Variants in UBXN7 observed in about 807,000 individuals in gnomAD.
UBXN7 encodes UBX domain-containing protein 7.
Under a neutral mutation model 58.0 loss-of-function variants are expected in UBXN7, and 9 were observed. The observed-to-expected ratio is 0.16, with a 90% confidence interval of 0.09 to 0.27. The LOEUF (loss-of-function observed/expected upper bound fraction) is 0.27, where lower values mean the gene tolerates loss of function less well. Ranked by LOEUF, UBXN7 falls within the 10% of genes least tolerant of loss-of-function variation. UBXN7 has a pLI of 1.00. For missense variants in UBXN7, 328 were observed against 599.6 expected (o/e 0.55, Z 4.73); for synonymous variants, 208 against 205.0 (o/e 1.01, Z -0.12).
At chr3:196,396,656 G>A (rs1337775125) in intron 3 of UBXN7, among the ~76,000 whole-genome samples, 4 of 151,944 alleles carry the variant, frequency 2.6e-5, no homozygotes, top group South Asian at 2.1e-4. Flanking sequence ...CCAGCTACTC[G>A]GGAGGCTGAG....
chr3:196,431,680 C>T lies in UBXN7; in HGVS notation c.73+647G>A. 2 of 289,848 alleles carry T rather than the reference C, an allele frequency of 6.9e-6. 1 individual carries two copies. The highest frequency in any genetic ancestry group is 5.4e-5 in the South Asian group (2 of 37,060). 18.0% of individuals were successfully genotyped at this position (289,848 alleles called of 1,614,324 possible). On this transcript the variant is annotated intron_variant, in intron 1 of 10. Transcript: ENST00000296328. ...CCTCCCCTATTCAGCTTGGGGGTTC[C>T]CCCTCATTCTTCCCTCAAAGCCTCA...
intron 1 of UBXN7, among the ~76,000 whole-genome samples, chr3:196,416,645 CAA>C (rs1320124282): frequency 6.6e-6 from 1 of 152,046 alleles, no homozygotes; most frequent in Non-Finnish European, 1.5e-5. Context: ...CTGCCTAGCC[CAA>C]GTCTTTTCCT....
At chr3:196,368,599 T>C (rs1409606051) in intron 7 of UBXN7, among the ~76,000 whole-genome samples, 1 of 152,166 alleles carries the variant, frequency 6.6e-6, no homozygotes, top group East Asian at 1.9e-4. Context: ...AACCTAGAAG[T>C]CACATCAATT....
chr3:196,426,519 T>C (rs897290518), intron 1 of UBXN7, among the ~76,000 whole-genome samples: 1 of 151,978 alleles, frequency 6.6e-6, no homozygotes, highest in Non-Finnish European at 1.5e-5. Context: ...CATAGTTTAA[T>C]ATTAACCCAA....
chr3:196,359,047 CA>C (rs914510578), intron 10 of UBXN7, among the ~76,000 whole-genome samples: 6 of 152,110 alleles, frequency 3.9e-5, no homozygotes, highest in Non-Finnish European at 7.3e-5. Context: ...AAAATGCTTC[CA>C]ACGCCCTGTT....
chr3:196,415,975 A>G (rs1193684748), intron 1 of UBXN7, among the ~76,000 whole-genome samples: 2 of 152,148 alleles, frequency 1.3e-5, no homozygotes, highest in Non-Finnish European at 2.9e-5. Flanking sequence ...CTTTTCAGAG[A>G]ATTAAGTGGC....
intron 1 of UBXN7, among the ~76,000 whole-genome samples, chr3:196,418,257 G>C (rs1408130269): frequency 6.8e-6 from 1 of 147,796 alleles, no homozygotes; most frequent in Non-Finnish European, 1.5e-5. Flanking sequence ...AAGAAAAGAA[G>C]GAAGGAGGGA....
chr3:196,410,847 C>T (rs1382932152), intron 1 of UBXN7, among the ~76,000 whole-genome samples: 2 of 152,138 alleles, frequency 1.3e-5, no homozygotes, highest in Admixed American at 6.6e-5. Context: ...CCCTTAATGG[C>T]TTTCTTCTGC....
At chr3:196,382,379 A>G (rs1422838172) in intron 5 of UBXN7, among the ~76,000 whole-genome samples, 1 of 152,226 alleles carries the variant, frequency 6.6e-6, no homozygotes, top group Non-Finnish European at 1.5e-5. Context: ...TTTCATATCC[A>G]GCCAAACTAA....
At chr3:196,380,045 C>G (rs924056480) in intron 5 of UBXN7, among the ~76,000 whole-genome samples, 3 of 152,044 alleles carry the variant, frequency 2.0e-5, no homozygotes, top group Non-Finnish European at 2.9e-5. Flanking sequence ...GTCAGGAGAT[C>G]GAGACCATCC....
rs1728321938 is a variant in UBXN7, at chr3:196,355,581, T to C, written c.*1104A>G. The C allele has an allele frequency of 6.6e-6, 1 of 152,206 alleles. No individual in the cohort carries two copies. Among genetic ancestry groups the C allele is most frequent in the Non-Finnish European group, 1.5e-5 (1 of 68,038 alleles). The allele number at this position is 152,206 out of a possible 1,614,324, so 9.4% of individuals were successfully genotyped here. ...TGAAAGAAAACAGCATGCGGACTCA[T>C]GTTCAATTCAGTCACCAGAGCCTTT... On this transcript the variant is annotated 3_prime_UTR_variant, in exon 11 of 11. Coordinates refer to ENST00000296328, the MANE Select transcript of UBXN7 (RefSeq NM_015562.2).
intron 6 of UBXN7, among the ~76,000 whole-genome samples, chr3:196,370,643 A>G (rs1728797922): frequency 6.6e-6 from 1 of 151,958 alleles, no homozygotes; most frequent in Non-Finnish European, 1.5e-5. Flanking sequence ...CAAATTAATA[A>G]CATTAATAGC....
intron 5 of UBXN7, among the ~76,000 whole-genome samples, chr3:196,388,469 G>GTT (rs1400936750): frequency 7.6e-6 from 1 of 132,212 alleles, no homozygotes; most frequent in Non-Finnish European, 1.7e-5. Flanking sequence ...ATAAGCTACT[G>GTT]TTTGTTTTTT....
intron 5 of UBXN7, among the ~76,000 whole-genome samples, chr3:196,377,345 T>C (rs1577444645): frequency 6.6e-6 from 1 of 152,202 alleles, no homozygotes; most frequent in Non-Finnish European, 1.5e-5. Context: ...ATGCTCACAC[T>C]GTATTTTCCC....
chr3:196,414,017 A>T (rs1438494087), intron 1 of UBXN7, among the ~76,000 whole-genome samples: 1 of 151,992 alleles, frequency 6.6e-6, no homozygotes, highest in Non-Finnish European at 1.5e-5. Context: ...TTTTCCCTGA[A>T]TATTTTGTTT....
intron 8 of UBXN7, among the ~76,000 whole-genome samples, chr3:196,365,884 T>C (rs946820514): frequency 6.6e-6 from 1 of 152,038 alleles, no homozygotes; most frequent in African/African-American, 2.4e-5. Context: ...CACTGGTAAA[T>C]GTCATCAAAC....
Position 196,394,841 on chromosome 3 carries a change from C to A in UBXN7, c.290-1222G>T, listed in dbSNP as rs147039840. ...ATAAAGACAAAAAACATCTTTAATTCTGGAAACTTTTTTCACAGTTACACA... is the reference window on the plus strand; with the variant it reads ...ATAAAGACAAAAAACATCTTTAATTATGGAAACTTTTTTCACAGTTACACA... On this transcript the variant is annotated intron_variant, in intron 3 of 10. Transcript: ENST00000296328. 5.9e-5 allele frequency among the ~76,000 whole-genome samples: 9 copies of A among 152,224 alleles called. No homozygotes were observed. In the East Asian group the frequency reaches 1.7e-3, roughly 29 times the overall value.
intron 8 of UBXN7, among the ~76,000 whole-genome samples, chr3:196,364,485 A>C (rs1296191972): frequency 6.6e-6 from 1 of 152,166 alleles, no homozygotes; most frequent in Non-Finnish European, 1.5e-5. Flanking sequence ...TACAGAGGAA[A>C]GAAGACTGGC....
intron 5 of UBXN7, among the ~76,000 whole-genome samples, chr3:196,382,919 T>A (rs1301815520): frequency 6.6e-6 from 1 of 151,828 alleles, no homozygotes; most frequent in Non-Finnish European, 1.5e-5. Context: ...ATCGAGACCA[T>A]CCTGGCTAAC....
Sources: allele counts gnomAD v4.1 joint callset (sites outside exome capture counted in the v4.1 genomes callset), GRCh38; gene constraint gnomAD v4.1.1; transcripts MANE v1.5; gene names NCBI Gene and HGNC (gene_info 2026-07-23, HGNC 2026-07-21).